The following IL1RL2 variants were observed in gnomAD, a reference collection of about 807,000 sequenced individuals.
IL1RL2 encodes interleukin 1 receptor like 2, also known as interleukin-1 receptor-like 2.
Under a neutral mutation model 66.8 loss-of-function variants are expected in IL1RL2, and 68 were observed. That is an observed-to-expected ratio of 1.02 (90% CI 0.84 to 1.25). IL1RL2 has a LOEUF of 1.25. Among genes scored for constraint, IL1RL2 ranks in the 50% most tolerant of loss-of-function variants. The pLI, the probability that IL1RL2 is intolerant of heterozygous loss-of-function variation, is 0.00. For missense variants in IL1RL2, 729 were observed against 709.3 expected (o/e 1.03, Z -0.32); for synonymous variants, 305 against 264.6 (o/e 1.15, Z -1.48).
intron 6 of IL1RL2, among the ~76,000 whole-genome samples, chr2:102,213,107 T>G (rs148492078): frequency 1.3e-5 from 2 of 152,196 alleles, no homozygotes; most frequent in Non-Finnish European, 2.9e-5. Flanking sequence ...TGTATCAAAC[T>G]ATATAATGCT....
At chr2:102,203,461 T>C (rs1688443643) in intron 5 of IL1RL2, among the ~76,000 whole-genome samples, 2 of 152,012 alleles carry the variant, frequency 1.3e-5, no homozygotes, top group Admixed American at 6.5e-5. Context: ...TTGAGCAGGA[T>C]TGGTATTAGT....
chr2:102,194,348 A>T (rs750182465), intron 4 of IL1RL2, among the ~76,000 whole-genome samples: 2 of 152,088 alleles, frequency 1.3e-5, no homozygotes, highest in African/African-American at 4.8e-5. Flanking sequence ...CATTATTATT[A>T]TTGTTAGACT....
At chr2:102,229,768 A>G (rs1476411033) in intron 9 of IL1RL2, among the ~76,000 whole-genome samples, 1 of 152,250 alleles carries the variant, frequency 6.6e-6, no homozygotes, top group Non-Finnish European at 1.5e-5. Context: ...GAAAAAAAAG[A>G]TGACCAAAAA....
In IL1RL2 at chr2:102,233,040, G is replaced by C. The variant is rs759788405; in HGVS notation, c.1213G>C (p.Val405Leu). 2 of 1,614,188 alleles carry C rather than the reference G, an allele frequency of 1.2e-6. No individual in the cohort carries two copies. The highest frequency in any genetic ancestry group is 1.1e-5 in the South Asian group (1 of 91,088). Reference protein sequence around the residue: ...ESQRHAVDALVLNILPEVLER... With the variant: ...ESQRHAVDALLLNILPEVLER... ...CCAGAGGCATGCCGTGGATGCCCTG[G>C]TGTTGAATATCCTGCCCGAGGTGTT... The change falls in exon 10 of 12, where the codon GTG becomes CTG. Residue 405 changes from valine (V) to leucine (L), a missense_variant. By Grantham distance (32) the Val-to-Leu change is conservative (BLOSUM62 1). Coordinates refer to ENST00000264257, the MANE Select transcript of IL1RL2 (RefSeq NM_003854.4).
chr2:102,204,182 T>C (rs1688505914), intron 5 of IL1RL2, among the ~76,000 whole-genome samples: 1 of 152,138 alleles, frequency 6.6e-6, no homozygotes, highest in African/African-American at 2.4e-5. Flanking sequence ...CATGTATTTG[T>C]ATAGTTTCCA....
At chr2:102,200,719 T>C (rs1688182407) in intron 4 of IL1RL2, among the ~76,000 whole-genome samples, 1 of 151,958 alleles carries the variant, frequency 6.6e-6, no homozygotes, top group South Asian at 2.1e-4. Context: ...GAAGAACTGG[T>C]GATTAGCATG....
At chr2:102,238,637 T>C (rs942175810) in intron 11 of IL1RL2, among the ~76,000 whole-genome samples, 1 of 152,188 alleles carries the variant, frequency 6.6e-6, no homozygotes, top group Non-Finnish European at 1.5e-5. Flanking sequence ...TGGGGCTGTG[T>C]AAAGTGGAAA....
chr2:102,223,123 C>T (rs1690287512), intron 8 of IL1RL2, among the ~76,000 whole-genome samples: 1 of 152,156 alleles, frequency 6.6e-6, no homozygotes, highest in South Asian at 2.1e-4. Flanking sequence ...CTTCTTAAAT[C>T]CCTTAGTTCC....
chr2:102,221,868 A>G lies in IL1RL2; in HGVS notation c.991+1851A>G, dbSNP rs996200859. 2.0e-5 allele frequency among the ~76,000 whole-genome samples: 3 copies of G among 152,236 alleles called. No homozygotes were observed. In the South Asian group the frequency reaches 6.2e-4, roughly 31 times the overall value. On this transcript the variant is annotated intron_variant, in intron 8 of 11. Coordinates refer to ENST00000264257, the MANE Select transcript of IL1RL2 (RefSeq NM_003854.4). ...TTTTATTGTGGAATATAATGCATAT[A>G]TGTGTTATAACATATGCACATATAT...
chr2:102,226,640 AGACAGGGAGGG>A (rs1423016147), intron 9 of IL1RL2, among the ~76,000 whole-genome samples: 1 of 152,062 alleles, frequency 6.6e-6, no homozygotes, highest in Non-Finnish European at 1.5e-5. Flanking sequence ...GGAAGGAAGG[AGACAGGGAGGG>A]AGGAAAGAAA....
At chr2:102,193,950 TA>T (rs903806614) in intron 4 of IL1RL2, among the ~76,000 whole-genome samples, 15 of 152,100 alleles carry the variant, frequency 9.9e-5, no homozygotes, top group African/African-American at 3.4e-4. Flanking sequence ...TGCAATGCAT[TA>T]AAAAAACCCC....
intron 2 of IL1RL2, 37 bp downstream of exon 2, chr2:102,187,962 C>T: frequency 6.3e-7 from 1 of 1,594,582 alleles, no homozygotes; most frequent in Non-Finnish European, 8.6e-7. Flanking sequence ...AGAGGCTGCC[C>T]GAGTCCACAG....
chr2:102,219,793 G>A, intron 7 of IL1RL2, 88 bp from the exon 8 acceptor site: 1 of 1,339,102 alleles, frequency 7.5e-7, no homozygotes. Context: ...TGTTCTCAAA[G>A]AAAACACTTT....
chr2:102,205,412 C>T (rs1186197302), intron 5 of IL1RL2, among the ~76,000 whole-genome samples: 2 of 152,166 alleles, frequency 1.3e-5, no homozygotes, highest in African/African-American at 4.8e-5. Flanking sequence ...GATTGAAGTA[C>T]TCCCTTTAAC....
At chr2:102,187,773 G>C in intron 1 of IL1RL2, 83 bp from the exon 2 acceptor site, 2 of 1,190,982 alleles carry the variant, frequency 1.7e-6, no homozygotes, top group Non-Finnish European at 2.5e-6. Context: ...GGTTGTCTTT[G>C]AGATTCCGAG....
At chr2:102,226,158 G>T in intron 9 of IL1RL2, 117 bp downstream of exon 9, 1 of 789,542 alleles carries the variant, frequency 1.3e-6, no homozygotes. Flanking sequence ...TTAGGGAAAG[G>T]AATCTCCTTG....
At chr2:102,207,770 C>A (rs1688827564) in intron 5 of IL1RL2, among the ~76,000 whole-genome samples, 1 of 152,162 alleles carries the variant, frequency 6.6e-6, no homozygotes, top group African/African-American at 2.4e-5. Context: ...ATTGCATGTC[C>A]CACTCCAGTC....
At chr2:102,221,628 C>T (rs964690944) in intron 8 of IL1RL2, among the ~76,000 whole-genome samples, 20 of 150,790 alleles carry the variant, frequency 1.3e-4, no homozygotes, top group South Asian at 2.1e-4. Flanking sequence ...CCTGCCCATT[C>T]CCACTAACGA....
At chr2:102,234,221 C>T (rs1242848238) in intron 10 of IL1RL2, among the ~76,000 whole-genome samples, 1 of 152,206 alleles carries the variant, frequency 6.6e-6, no homozygotes, top group African/African-American at 2.4e-5. Flanking sequence ...CTACATTTTC[C>T]TATCCTTTTA....
Sources: gnomAD v4.1 joint callset for allele counts (sites outside exome capture counted in the v4.1 genomes callset) on GRCh38, gnomAD v4.1.1 for gene constraint, MANE v1.5 for transcripts, NCBI Gene and HGNC (gene_info 2026-07-23, HGNC 2026-07-21) for gene names.